Variants in ANKRD30B observed in about 807,000 individuals in gnomAD.
The protein encoded by ANKRD30B is ankyrin repeat domain 30B.
In ANKRD30B, 144 loss-of-function variants were observed where a neutral mutation model predicts 202.2. That is an observed-to-expected ratio of 0.71 (90% CI 0.62 to 0.82). The LOEUF is 0.82. Among genes scored for constraint, ANKRD30B ranks in the 40% least tolerant of loss-of-function variants. The pLI is 0.00. For missense variants in ANKRD30B, 1,487 were observed against 1,669.1 expected (o/e 0.89, Z 1.90); for synonymous variants, 508 against 561.3 (o/e 0.91, Z 1.34).
At chr18:14,838,070 T>G (rs1276223444) in intron 36 of ANKRD30B, among the ~76,000 whole-genome samples, 3 of 152,248 alleles carry the variant, frequency 2.0e-5, no homozygotes, top group African/African-American at 4.8e-5. Flanking sequence ...AGAACATACT[T>G]TATAATCATG....
chr18:14,874,727 G>T, the ANKRD30B span, among the ~76,000 whole-genome samples: 6 of 152,294 alleles, frequency 3.9e-5, no homozygotes, highest in Admixed American at 3.3e-4. Flanking sequence ...GTGTAGAAGG[G>T]ACCTATAAGC....
intron 5 of ANKRD30B, among the ~76,000 whole-genome samples, chr18:14,758,885 G>A (rs905379686): frequency 6.6e-5 from 10 of 152,066 alleles, no homozygotes; most frequent in African/African-American, 1.7e-4. Flanking sequence ...TTTATATCCC[G>A]TGTAGCACCA....
At chr18:14,866,150 C>A in the ANKRD30B span, among the ~76,000 whole-genome samples, 3 of 152,282 alleles carry the variant, frequency 2.0e-5, no homozygotes, top group African/African-American at 7.2e-5. Flanking sequence ...CGTAACCCCA[C>A]GTGCATGCTG....
At chr18:14,765,338 CT>C (rs1216468212) in intron 7 of ANKRD30B, among the ~76,000 whole-genome samples, 1 of 151,942 alleles carries the variant, frequency 6.6e-6, no homozygotes, top group African/African-American at 2.4e-5. Flanking sequence ...TGGCACGTGC[CT>C]GTAATCCCAG....
intron 33 of ANKRD30B, among the ~76,000 whole-genome samples, chr18:14,830,535 G>C (rs1970867723): frequency 1.3e-5 from 2 of 152,164 alleles, no homozygotes; most frequent in Admixed American, 6.5e-5. Flanking sequence ...AGGGTGAAGG[G>C]AAGCAACAAG....
intron 3 of ANKRD30B, among the ~76,000 whole-genome samples, chr18:14,753,388 T>C (rs1161607792): frequency 2.6e-5 from 4 of 152,168 alleles, no homozygotes; most frequent in Non-Finnish European, 5.9e-5. Context: ...TCTTAAAGGA[T>C]TGCATCTGGT....
At chr18:14,864,725 T>C in the ANKRD30B span, among the ~76,000 whole-genome samples, 2 of 151,820 alleles carry the variant, frequency 1.3e-5, no homozygotes, top group Non-Finnish European at 2.9e-5. Context: ...CCCAAAGCCT[T>C]CTCCCCACTC....
intron 10 of ANKRD30B, among the ~76,000 whole-genome samples, chr18:14,779,335 G>A (rs1234224512): frequency 6.6e-6 from 1 of 152,188 alleles, no homozygotes; most frequent in African/African-American, 2.4e-5. Flanking sequence ...TGATTCTGAA[G>A]CTATTGTTGC....
In ANKRD30B at chr18:14,748,252, G is replaced by C. The variant is rs1912786085; in HGVS notation, c.-168G>C. 1 of 561,538 alleles carries C rather than the reference G, an allele frequency of 1.8e-6. No homozygotes were observed. The highest frequency in any genetic ancestry group is 3.1e-6 in the Non-Finnish European group (1 of 322,404). The allele number at this position is 561,538 out of a possible 1,614,324, so 34.8% of individuals were successfully genotyped here. On this transcript the variant is annotated 5_prime_UTR_variant, in exon 1 of 44. Coordinates refer to ENST00000690538, the MANE Select transcript of ANKRD30B (RefSeq NM_001367607.2). ...AGGCCGGAGTGTTCAAGAGCTTGGC[G>C]ATACAGAAATTTCTGCTGGTGTTGG...
chr18:14,869,043 A>G, the ANKRD30B span, among the ~76,000 whole-genome samples: 1 of 152,188 alleles, frequency 6.6e-6, no homozygotes, highest in Non-Finnish European at 1.5e-5. Context: ...GGAATTTTAG[A>G]TTTAAGGAGA....
intron 42 of ANKRD30B, among the ~76,000 whole-genome samples, chr18:14,853,368 G>C (rs978984451): frequency 3.3e-5 from 5 of 152,044 alleles, no homozygotes; most frequent in Non-Finnish European, 5.9e-5. Context: ...AGGTTACCAA[G>C]GGCCTGTAAA....
chr18:14,795,149 TA>T (rs1968789250), intron 16 of ANKRD30B, among the ~76,000 whole-genome samples: 2 of 152,234 alleles, frequency 1.3e-5, no homozygotes, highest in African/African-American at 4.8e-5. Context: ...TAATGATATG[TA>T]AAAAGTCTCT....
At chr18:14,784,246 G>C (rs1320873649) in intron 12 of ANKRD30B, 90 bp from the exon 13 acceptor site, 1 of 1,316,592 alleles carries the variant, frequency 7.6e-7, no homozygotes, top group Admixed American at 2.0e-5. Flanking sequence ...AGTCAACCAA[G>C]AGGACTCAGT....
the ANKRD30B span, among the ~76,000 whole-genome samples, chr18:14,896,192 C>T: frequency 9.3e-5 from 14 of 150,926 alleles, no homozygotes; most frequent in Admixed American, 1.3e-4. Context: ...AGTGCAGTGG[C>T]GTGATCTCGG....
chr18:14,755,115 AT>A (rs1914126810), intron 4 of ANKRD30B, 110 bp downstream of exon 4: 1 of 599,624 alleles, frequency 1.7e-6, no homozygotes. Flanking sequence ...TTATTAGATT[AT>A]AGTGAAACAT....
chr18:14,911,864 T>C, the ANKRD30B span, among the ~76,000 whole-genome samples: 4 of 152,290 alleles, frequency 2.6e-5, no homozygotes, highest in African/African-American at 9.6e-5. Context: ...TATTTCTAGG[T>C]ATTTTATGTT....
downstream of ANKRD30B, among the ~76,000 whole-genome samples, chr18:14,858,781 C>T (rs1972139276): frequency 7.3e-6 from 1 of 137,358 alleles, no homozygotes; most frequent in African/African-American, 2.7e-5. Flanking sequence ...GGCAGAGGGG[C>T]TCCTCACCTC....
the ANKRD30B span, among the ~76,000 whole-genome samples, chr18:14,860,355 C>T: frequency 1.4e-4 from 15 of 108,238 alleles, no homozygotes; most frequent in South Asian, 7.2e-4. Flanking sequence ...ACAGGGCTGC[C>T]GGGCAGAGGC....
At chr18:14,798,999 C>T in intron 20 of ANKRD30B, 102 bp from the exon 21 acceptor site, 1 of 1,211,456 alleles carries the variant, frequency 8.3e-7, no homozygotes, top group Non-Finnish European at 1.2e-6. Flanking sequence ...CTTTTCAATC[C>T]AAGCATCATG....
Sources: gnomAD v4.1 joint callset for allele counts (sites outside exome capture counted in the v4.1 genomes callset) on GRCh38, gnomAD v4.1.1 for gene constraint, MANE v1.5 for transcripts, NCBI Gene and HGNC (gene_info 2026-07-23, HGNC 2026-07-21) for gene names.